Variants in PLEKHG1 observed in about 807,000 individuals in gnomAD.
PLEKHG1 encodes pleckstrin homology and RhoGEF domain containing G1.
A neutral mutation model predicts 100.8 loss-of-function variants in PLEKHG1; 44 were observed. The ratio of observed to expected loss-of-function variants is 0.44; its 90% CI spans 0.34 to 0.56. PLEKHG1 has a LOEUF of 0.56. Among genes scored for constraint, PLEKHG1 ranks in the 20% least tolerant of loss-of-function variants. PLEKHG1 has a pLI of 0.01. For synonymous variants in PLEKHG1, 640 were observed against 662.5 expected, an observed-to-expected ratio of 0.97 and a Z score of 0.52; for missense variants, 1,545 against 1,720.9, an observed-to-expected ratio of 0.90 and a Z score of 1.81.
chr6:150,733,774 A>G, exon 2 of PLEKHG1: 2 of 1,614,224 alleles, frequency 1.2e-6, no homozygotes, highest in Non-Finnish European at 1.7e-6. Flanking sequence ...TCGGCAGCAG[A>G]ATGACCTTAG....
chr6:150,829,385 G>A (rs1776786490), intron 14 of PLEKHG1, among the ~76,000 whole-genome samples: 1 of 152,204 alleles, frequency 6.6e-6, no homozygotes, highest in Non-Finnish European at 1.5e-5. Flanking sequence ...AGGCCAAGGT[G>A]GGCGGATCTC....
intron 3 of PLEKHG1, among the ~76,000 whole-genome samples, chr6:150,773,037 T>A (rs1424152046): frequency 1.3e-5 from 2 of 152,188 alleles, no homozygotes; most frequent in African/African-American, 4.8e-5. Context: ...CTAAGTATAC[T>A]TTTTATAGTG....
At chr6:150,786,573 C>T in intron 4 of PLEKHG1, 114 bp downstream of exon 5, 1 of 677,228 alleles carries the variant, frequency 1.5e-6, no homozygotes, top group African/African-American at 1.8e-5. Flanking sequence ...AGCCACTAAT[C>T]TTTCTCTGGT....
At chr6:150,679,651 C>T (rs150099444) in intron 3 of PLEKHG1, among the ~76,000 whole-genome samples, 1,970 of 152,314 alleles carry the variant, frequency 0.013, 18 homozygotes, top group Middle Eastern at 0.027. Context: ...AGCAAGCATT[C>T]GTTGAGTATG....
intron 3 of PLEKHG1, among the ~76,000 whole-genome samples, chr6:150,773,605 A>G (rs1171845667): frequency 6.6e-6 from 1 of 152,232 alleles, no homozygotes; most frequent in Non-Finnish European, 1.5e-5. Context: ...TGGCCCACCC[A>G]TTCTTGTCCC....
At chr6:150,698,057 A>C (rs1780618713) in intron 3 of PLEKHG1, among the ~76,000 whole-genome samples, 1 of 152,126 alleles carries the variant, frequency 6.6e-6, no homozygotes, top group Non-Finnish European at 1.5e-5. Context: ...TTGGGACCAC[A>C]AGTGTTTTGG....
At chr6:150,764,321 G>A (rs1008548556) in intron 2 of PLEKHG1, among the ~76,000 whole-genome samples, 9 of 152,028 alleles carry the variant, frequency 5.9e-5, no homozygotes, top group African/African-American at 1.4e-4. Flanking sequence ...GTTTCACCAC[G>A]TTGCCCAGGC....
At chr6:150,776,935 C>T (rs1392243678) in intron 3 of PLEKHG1, among the ~76,000 whole-genome samples, 11 of 146,126 alleles carry the variant, frequency 7.5e-5, no homozygotes, top group Non-Finnish European at 3.0e-5. Context: ...GGTTTCACAT[C>T]AGCCACACTG....
chr6:150,748,697 T>G (rs1360108757), intron 2 of PLEKHG1, among the ~76,000 whole-genome samples: 2 of 147,818 alleles, frequency 1.4e-5, no homozygotes, highest in Admixed American at 7.0e-5. Flanking sequence ...CACGGCTCAC[T>G]GCAACCTCCA....
At chr6:150,842,451 C>T (rs1002850532) in exon 16 of PLEKHG1, 1 of 152,156 alleles carries the variant, frequency 6.6e-6, no homozygotes, top group Non-Finnish European at 1.5e-5. Flanking sequence ...TTTTTCTTAA[C>T]TGTAAAACAT....
At chr6:150,779,352 T>TTTTTG (rs1785177924) in intron 3 of PLEKHG1, among the ~76,000 whole-genome samples, 1 of 144,978 alleles carries the variant, frequency 6.9e-6, no homozygotes, top group Non-Finnish European at 1.5e-5. Flanking sequence ...AAGTTTTTTT[T>TTTTTG]TTTTTTTTTT....
chr6:150,753,196 C>A (rs761913321), intron 2 of PLEKHG1, among the ~76,000 whole-genome samples: 11 of 152,118 alleles, frequency 7.2e-5, no homozygotes, highest in Non-Finnish European at 1.6e-4. Flanking sequence ...CCCTCACCCC[C>A]ACCCCCGTAA....
At chr6:150,685,372 C>T (rs987113598) in intron 3 of PLEKHG1, among the ~76,000 whole-genome samples, 8 of 152,156 alleles carry the variant, frequency 5.3e-5, no homozygotes, top group Non-Finnish European at 7.3e-5. Flanking sequence ...ATCCGCTGAA[C>T]CCATCTGAGC....
chr6:150,826,048 G>A (rs935476157), intron 14 of PLEKHG1, among the ~76,000 whole-genome samples: 6 of 151,968 alleles, frequency 3.9e-5, no homozygotes, highest in Admixed American at 3.3e-4. Context: ...GGGCGTGGTC[G>A]TGGGCGGCTG....
intron 3 of PLEKHG1, among the ~76,000 whole-genome samples, chr6:150,671,562 A>C (rs1328570314): frequency 6.6e-6 from 1 of 152,238 alleles, no homozygotes; most frequent in Non-Finnish European, 1.5e-5. Flanking sequence ...TATGCCGGGC[A>C]CTGTAGTAAG....
chr6:150,834,847 G>A (rs974944878), intron 15 of PLEKHG1, among the ~76,000 whole-genome samples: 4 of 152,202 alleles, frequency 2.6e-5, no homozygotes, highest in African/African-American at 7.2e-5. Context: ...GCAGAGGCAC[G>A]TCCCTAGGAC....
intron 7 of PLEKHG1, 113 bp from the exon 9 acceptor site, chr6:150,808,992 G>GACCCCC: frequency 1.3e-6 from 1 of 773,626 alleles, no homozygotes; most frequent in Middle Eastern, 2.4e-4. Flanking sequence ...TAGATAGTTA[G>GACCCCC]ACCCCCTCAG....
At chr6:150,829,250 G>A (rs1056234236) in intron 14 of PLEKHG1, among the ~76,000 whole-genome samples, 4 of 152,196 alleles carry the variant, frequency 2.6e-5, no homozygotes, top group Non-Finnish European at 5.9e-5. Context: ...ATCTGCTCCT[G>A]TCTGCACCAC....
intron 1 of PLEKHG1, among the ~76,000 whole-genome samples, chr6:150,727,433 A>G (rs1782013182): frequency 6.6e-6 from 1 of 152,202 alleles, no homozygotes; most frequent in Admixed American, 6.5e-5. Flanking sequence ...GTGATATTCC[A>G]AAAGAGAGCA....
Sources: allele counts gnomAD v4.1 joint callset (sites outside exome capture counted in the v4.1 genomes callset), GRCh38; gene constraint gnomAD v4.1.1; transcripts MANE v1.5; gene names NCBI Gene and HGNC (gene_info 2026-07-23, HGNC 2026-07-21).